Variants in TBC1D23 observed in about 807,000 individuals in gnomAD.
TBC1D23 encodes TBC1 domain family member 23, also known as HCV non-structural protein 4A-transactivated protein 1.
A neutral mutation model predicts 91.4 loss-of-function variants in TBC1D23; 55 were observed. The ratio of observed to expected loss-of-function variants is 0.60; its 90% CI spans 0.48 to 0.75. The LOEUF (loss-of-function observed/expected upper bound fraction) is 0.75, where lower values mean the gene tolerates loss of function less well. Ranked by LOEUF, TBC1D23 falls within the 30% of genes least tolerant of loss-of-function variation. The pLI, the probability that TBC1D23 is intolerant of heterozygous loss-of-function variation, is 0.00. For missense variants in TBC1D23, 725 were observed against 836.1 expected, an observed-to-expected ratio of 0.87 and a Z score of 1.64; for synonymous variants, 289 against 281.0, an observed-to-expected ratio of 1.03 and a Z score of -0.28.
At chr3:100,267,399 TA>T (rs2067565952) in intron 1 of TBC1D23, among the ~76,000 whole-genome samples, 1 of 152,258 alleles carries the variant, frequency 6.6e-6, no homozygotes, top group Admixed American at 6.5e-5. Context: ...AAATGATGAC[TA>T]ATAAAGTCAT....
At chr3:100,280,237 A>G (rs1436753841) in intron 2 of TBC1D23, among the ~76,000 whole-genome samples, 1 of 152,188 alleles carries the variant, frequency 6.6e-6, no homozygotes, top group Non-Finnish European at 1.5e-5. Context: ...TCAAAAAAAA[A>G]ACAAAAAGAA....
chr3:100,306,312 C>G, intron 12 of TBC1D23, 125 bp from the exon 13 acceptor site: 1 of 602,542 alleles, frequency 1.7e-6, no homozygotes, highest in Admixed American at 2.9e-5. Flanking sequence ...AAAGAAATAC[C>G]TGTGATTATT....
rs1234687447 is a variant in TBC1D23 at position 100,272,178 on chromosome 3, C to T, written c.54-7471C>T. Among the ~76,000 whole-genome samples the T allele has an allele frequency of 2.0e-5, 3 of 152,158 alleles. No homozygotes were observed. The East Asian group carries it at 5.8e-4, about 29-fold the overall frequency. Reference sequence around the variant, plus strand: ...CCTTTAAAATACAGTTTGTTGTCAGCTATAAGTTGAACTTGTTTCGCCTGT... The same window carrying T: ...CCTTTAAAATACAGTTTGTTGTCAGTTATAAGTTGAACTTGTTTCGCCTGT... On this transcript the variant is annotated intron_variant, in intron 1 of 18. Transcript: ENST00000394144.
chr3:100,296,758 G>T lies in TBC1D23; in HGVS notation c.876+483G>T, dbSNP rs2067844889. ...GCCTGTAGTCCCAGCTACTCGGGAGGCTGAGGAAGGAGAATGGCGTGAACC... is the reference window on the plus strand; with the variant it reads ...GCCTGTAGTCCCAGCTACTCGGGAGTCTGAGGAAGGAGAATGGCGTGAACC... On this transcript the variant is annotated intron_variant, in intron 8 of 18. Transcript: ENST00000394144. Among the ~76,000 whole-genome samples, 3 of 151,708 alleles carry T rather than the reference G, an allele frequency of 2.0e-5. No individual in the cohort carries two copies. In the South Asian group the frequency reaches 6.2e-4, roughly 32 times the overall value.
intron 4 of TBC1D23, among the ~76,000 whole-genome samples, chr3:100,284,261 C>T (rs2067721425): frequency 6.6e-6 from 1 of 152,016 alleles, no homozygotes; most frequent in East Asian, 1.9e-4. Context: ...CAATAGTAAC[C>T]ATTTTACTAT....
Position 100,281,708 on chromosome 3 carries a change from A to C in TBC1D23, c.166-34A>C, listed in dbSNP as rs562298002. 2.2e-6 allele frequency: 3 copies of C among 1,345,398 alleles called. No homozygotes were observed. In the African/African-American group the frequency reaches 4.3e-5, roughly 19 times the overall value. The allele number at this position is 1,345,398 out of a possible 1,614,324, so 83.3% of individuals were successfully genotyped here. On this transcript the variant is annotated intron_variant, in intron 2 of 18. Coordinates refer to ENST00000394144, the MANE Select transcript of TBC1D23 (RefSeq NM_001199198.3). ...ATTTTCCAAGAATGAGGAATAACAT[A>C]TGAAGCTAGTCACTTTTTAAATCTT...
chr3:100,318,252 T>G (rs957127354), intron 16 of TBC1D23, among the ~76,000 whole-genome samples: 12 of 152,182 alleles, frequency 7.9e-5, no homozygotes, highest in Non-Finnish European at 1.6e-4. Context: ...AGAGACTGTA[T>G]TATCCCTTTC....
At chr3:100,283,840 T>G (rs1425563520) in intron 4 of TBC1D23, 29 bp downstream of exon 4, 2 of 1,474,044 alleles carry the variant, frequency 1.4e-6, no homozygotes, top group African/African-American at 2.8e-5. Context: ...ATTGTAGTTT[T>G]TAAAAGTGAA....
Position 100,319,084 on chromosome 3 carries a change from C to A in TBC1D23, c.1703C>A (p.Ser568Tyr). The A allele has an allele frequency of 6.4e-7, 1 of 1,567,878 alleles. No homozygotes were observed. Among genetic ancestry groups the A allele is most frequent in the South Asian group, 1.2e-5 (1 of 85,506 alleles). Residue 568 changes from serine (S) to tyrosine (Y), a missense_variant, in exon 17 of 19, where the codon TCT becomes TAT. Transcript: ENST00000394144. ...TTTTTTATAGATGAAATTGACAGTTCTTCAATGTCAGATGATGATAGAAAA... is the reference window on the plus strand; with the variant it reads ...TTTTTTATAGATGAAATTGACAGTTATTCAATGTCAGATGATGATAGAAAA... Reference protein sequence around the residue: ...EEYDTDEIDSSSMSDDDRKEV... With the variant: ...EEYDTDEIDSYSMSDDDRKEV...
intron 1 of TBC1D23, among the ~76,000 whole-genome samples, chr3:100,271,498 A>G (rs1011419782): frequency 7.9e-5 from 12 of 152,178 alleles, no homozygotes; most frequent in African/African-American, 2.9e-4. Flanking sequence ...GGGTGGAGAT[A>G]AGAGTCAGGT....
At chr3:100,281,995 A>G (rs1169153602) in intron 3 of TBC1D23, 148 bp downstream of exon 3, 3 of 522,268 alleles carry the variant, frequency 5.7e-6, no homozygotes, top group Admixed American at 7.3e-5. Flanking sequence ...ATTCTTATGA[A>G]ATATTGTCTA....
intron 9 of TBC1D23, 80 bp downstream of exon 9, chr3:100,298,125 C>G (rs562782795): frequency 3.2e-6 from 4 of 1,245,510 alleles, no homozygotes; most frequent in East Asian, 2.5e-5. Flanking sequence ...TTCATTGATT[C>G]CCACAAAATC....
chr3:100,261,002 C>A lies in TBC1D23; in HGVS notation c.-17C>A. 1.2e-6 allele frequency: 2 copies of A among 1,612,882 alleles called. No individual in the cohort carries two copies. The highest frequency in any genetic ancestry group is 1.1e-5 in the South Asian group (1 of 91,056). Reference sequence around the variant, plus strand: ...CCGGATCCACTTTTCGGCAAAGTGACGTGGACGTCAACAGCAATGGCGGAA... The same window carrying A: ...CCGGATCCACTTTTCGGCAAAGTGAAGTGGACGTCAACAGCAATGGCGGAA... On this transcript the variant is annotated 5_prime_UTR_variant, in exon 1 of 19. Transcript: ENST00000394144.
At chr3:100,292,720 C>T (rs1394826774) in intron 5 of TBC1D23, among the ~76,000 whole-genome samples, 2 of 152,276 alleles carry the variant, frequency 1.3e-5, no homozygotes, top group African/African-American at 2.4e-5. Context: ...CCACCTCAGC[C>T]TCCTGAGTAG....
chr3:100,292,995 T>C (rs1016434088), intron 5 of TBC1D23, among the ~76,000 whole-genome samples: 2 of 152,324 alleles, frequency 1.3e-5, no homozygotes, highest in South Asian at 4.1e-4. Context: ...ATTTTAATAA[T>C]AGAGGTCTCT....
chr3:100,261,152 G>A lies in TBC1D23; in HGVS notation c.53+81G>A, dbSNP rs2067506877. 5.6e-6 allele frequency: 8 copies of A among 1,422,750 alleles called. No individual in the cohort carries two copies. The South Asian group carries it at 8.2e-5, about 15-fold the overall frequency. 88.1% of individuals were successfully genotyped at this position (1,422,750 alleles called of 1,614,324 possible). On this transcript the variant is annotated intron_variant, in intron 1 of 18. Transcript: ENST00000394144. The stretch of plus-strand genomic sequence containing the variant: ...CTTGCCGGTCCCCGAGGAGCCGTCT[G>A]GCGTCGGCATGGAACGGAGAGGCCG...
At chr3:100,309,094 A>C (rs1401204028) in intron 13 of TBC1D23, among the ~76,000 whole-genome samples, 1 of 152,168 alleles carries the variant, frequency 6.6e-6, no homozygotes, top group Non-Finnish European at 1.5e-5. Context: ...GAATTGCTTG[A>C]ACCCAGGAGG....
At chr3:100,279,027 C>T (rs530020297) in intron 1 of TBC1D23, among the ~76,000 whole-genome samples, 4 of 152,140 alleles carry the variant, frequency 2.6e-5, no homozygotes, top group African/African-American at 7.2e-5. Flanking sequence ...GTTAAGAACA[C>T]GAATTCAGGA....
At chr3:100,276,234 G>A (rs748001027) in intron 1 of TBC1D23, among the ~76,000 whole-genome samples, 18 of 151,952 alleles carry the variant, frequency 1.2e-4, no homozygotes, top group South Asian at 2.1e-4. Flanking sequence ...GAGGAAAACC[G>A]AATTTAGAAA....
Sources: gnomAD v4.1 joint callset for allele counts (sites outside exome capture counted in the v4.1 genomes callset) on GRCh38, gnomAD v4.1.1 for gene constraint, MANE v1.5 for transcripts, NCBI Gene and HGNC (gene_info 2026-07-23, HGNC 2026-07-21) for gene names.